PRELID2: variants seen among roughly 807,000 people sequenced by gnomAD.
The protein encoded by PRELID2 is PRELI domain containing 2, also known as PRELI domain-containing protein 2.
PRELID2 carries 25 observed loss-of-function variants against 28.4 expected under a neutral mutation model. The observed-to-expected ratio is 0.88, with a 90% CI of 0.64 to 1.23. The LOEUF (loss-of-function observed/expected upper bound fraction) is 1.23. Ranked by LOEUF, PRELID2 falls within the 50% of genes most tolerant of loss-of-function variation. The pLI is 0.00. For missense variants in PRELID2, 201 were observed against 214.4 expected, an observed-to-expected ratio of 0.94 and a Z score of 0.39; for synonymous variants, 76 against 71.6, an observed-to-expected ratio of 1.06 and a Z score of -0.31.
chr5:145,594,576 A>G (rs1379225410), intron 1 of PRELID2, among the ~76,000 whole-genome samples: 3 of 152,206 alleles, frequency 2.0e-5, no homozygotes, highest in African/African-American at 4.8e-5. Flanking sequence ...AGTATTATAC[A>G]TAAAACCAAA....
chr5:145,831,052 G>GC (rs147741385), intron 1 of PRELID2, among the ~76,000 whole-genome samples: 8 of 150,552 alleles, frequency 5.3e-5, no homozygotes, highest in African/African-American at 2.0e-4. Context: ...GCTTTCCTTT[G>GC]AAAAAAAAAT....
In PRELID2 at chr5:145,759,739, T is replaced by C. The variant is rs1581148541; in HGVS notation, c.*797A>G. 6.6e-6 allele frequency: 1 copy of C among 152,230 alleles called. No individual in the cohort carries two copies. Among genetic ancestry groups the C allele is most frequent in the Non-Finnish European group, 1.5e-5 (1 of 68,042 alleles). 9.4% of individuals were successfully genotyped at this position (152,230 alleles called of 1,614,324 possible). A position where few individuals can be genotyped will look rare whatever the true frequency, so the allele number is the denominator to read the frequency against. On this transcript the variant is annotated 3_prime_UTR_variant, in exon 7 of 7. Transcript: ENST00000683046. ...TGCACAAAATTACCTTCTTTAATCA[T>C]CATAACGCATTGGCGGAAAGACCTG...
the PRELID2 span, among the ~76,000 whole-genome samples, chr5:145,455,341 G>C: frequency 1.3e-5 from 2 of 152,112 alleles, no homozygotes; most frequent in East Asian, 1.9e-4. Context: ...GTACCATGCT[G>C]TTTTGGTTAC....
chr5:145,689,370 G>A (rs1385110022), intron 1 of PRELID2, among the ~76,000 whole-genome samples: 1 of 152,094 alleles, frequency 6.6e-6, no homozygotes, highest in African/African-American at 2.4e-5. Context: ...AGGAGAAGAA[G>A]CATTGCTACG....
the PRELID2 span, among the ~76,000 whole-genome samples, chr5:145,320,403 T>C: frequency 6.6e-6 from 1 of 151,876 alleles, no homozygotes; most frequent in Admixed American, 6.6e-5. Flanking sequence ...CCCAAGTAGC[T>C]GGGACTACAG....
At chr5:145,609,383 C>T (rs192473458) in intron 1 of PRELID2, among the ~76,000 whole-genome samples, 17 of 152,334 alleles carry the variant, frequency 1.1e-4, no homozygotes, top group African/African-American at 3.6e-4. Flanking sequence ...TCTTTCTCCT[C>T]TAGTCGCTCC....
At position 145,508,251 on chromosome 5, in the gene PRELID2, C is replaced by CATAG. The variant is rs1554074610; in HGVS notation, n.71-34940_71-34937dup. Among the ~76,000 whole-genome samples, 48 of 105,502 alleles carry CATAG rather than the reference C, an allele frequency of 4.5e-4. 1 individual carries two copies. In the East Asian group the frequency reaches 4.6e-3, roughly 10 times the overall value. 69.2% of individuals were successfully genotyped at this position (105,502 alleles called of 152,430 possible). A position where few individuals can be genotyped will look rare whatever the true frequency, so the allele number is the denominator to read the frequency against. On this transcript the variant is annotated intron_variant and non_coding_transcript_variant, in intron 1 of 2. Transcript: ENST00000510259. ...AGGATTTAGGCTGGAGTTACTTTTG[C>CATAG]ATAGACAGATAGATAGATAGATAGA...
At chr5:145,264,706 G>T in the PRELID2 span, among the ~76,000 whole-genome samples, 1 of 152,130 alleles carries the variant, frequency 6.6e-6, no homozygotes, top group African/African-American at 2.4e-5. Flanking sequence ...AGGCACGGTG[G>T]CTCATGCCTG....
chr5:145,666,145 T>C (rs992395346), intron 1 of PRELID2, among the ~76,000 whole-genome samples: 39 of 152,040 alleles, frequency 2.6e-4, no homozygotes, highest in Admixed American at 1.3e-4. Context: ...CTCCTTTATG[T>C]TGACTTAATT....
intron 1 of PRELID2, among the ~76,000 whole-genome samples, chr5:145,642,913 C>T (rs1754131952): frequency 6.6e-6 from 1 of 152,180 alleles, no homozygotes; most frequent in Non-Finnish European, 1.5e-5. Context: ...GTTTTGGTTA[C>T]TATAGACTTG....
the PRELID2 span, among the ~76,000 whole-genome samples, chr5:145,379,468 G>T: frequency 6.6e-6 from 1 of 152,152 alleles, no homozygotes; most frequent in African/African-American, 2.4e-5. Context: ...CAGGGTGCTT[G>T]TGGGCACAGT....
chr5:145,740,571 A>AATATATATATTATATATATAAAT (rs869295957), intron 1 of PRELID2, among the ~76,000 whole-genome samples: 24 of 29,960 alleles, frequency 8.0e-4, no homozygotes, highest in Non-Finnish European at 1.3e-3. Flanking sequence ...GTACCCATGA[A>AATATATATATTATATATATAAAT]ATATATATAT....
the PRELID2 span, among the ~76,000 whole-genome samples, chr5:145,431,297 A>C: frequency 7.2e-5 from 11 of 152,146 alleles, no homozygotes; most frequent in Non-Finnish European, 1.3e-4. Context: ...AGACAATTTG[A>C]ATATCAAAAT....
chr5:145,299,186 C>T, the PRELID2 span, among the ~76,000 whole-genome samples: 1 of 152,104 alleles, frequency 6.6e-6, no homozygotes, highest in Non-Finnish European at 1.5e-5. Context: ...AATCCCAAAC[C>T]TTGTATATGT....
At chr5:145,453,142 TC>T in the PRELID2 span, among the ~76,000 whole-genome samples, 4 of 152,304 alleles carry the variant, frequency 2.6e-5, no homozygotes, top group South Asian at 2.1e-4. Context: ...CTTATTTACT[TC>T]CCAAGCATGA....
At chr5:145,714,947 C>T (rs1263557503) in intron 1 of PRELID2, among the ~76,000 whole-genome samples, 2 of 152,146 alleles carry the variant, frequency 1.3e-5, no homozygotes. Context: ...TACCTACATA[C>T]TCAATCTAGG....
chr5:145,369,552 T>A, the PRELID2 span, among the ~76,000 whole-genome samples: 1 of 152,256 alleles, frequency 6.6e-6, no homozygotes, highest in East Asian at 1.9e-4. Flanking sequence ...CCCATGACTT[T>A]GCTATTGTAA....
intron 1 of PRELID2, among the ~76,000 whole-genome samples, chr5:145,631,996 A>G (rs1480577943): frequency 6.6e-6 from 1 of 152,166 alleles, no homozygotes; most frequent in Admixed American, 6.5e-5. Flanking sequence ...TAATTAACTA[A>G]TTGCACTATT....
At chr5:145,251,793 A>G in the PRELID2 span, among the ~76,000 whole-genome samples, 1 of 151,932 alleles carries the variant, frequency 6.6e-6, no homozygotes, top group Non-Finnish European at 1.5e-5. Context: ...ATTGAGTGAT[A>G]CTTTTACCTG....
Sources: allele counts gnomAD v4.1 joint callset (sites outside exome capture counted in the v4.1 genomes callset), GRCh38; gene constraint gnomAD v4.1.1; transcripts MANE v1.5; gene names NCBI Gene and HGNC (gene_info 2026-07-23, HGNC 2026-07-21).